Variants in CSMD1 observed in about 807,000 individuals in gnomAD.
CSMD1 encodes the protein CUB and Sushi multiple domains 1, also known as CUB and sushi domain-containing protein 1.
Under a neutral mutation model 417.5 loss-of-function variants are expected in CSMD1, and 213 were observed. The ratio of observed to expected loss-of-function variants is 0.51; its 90% CI spans 0.46 to 0.57. The LOEUF is 0.57. Among genes scored for constraint, CSMD1 ranks in the 20% least tolerant of loss-of-function variants. CSMD1 has a pLI of 0.00. For missense variants in CSMD1, 6,923 were observed against 4,529.7 expected (o/e 1.53, Z -15.17); for synonymous variants, 2,862 against 1,736.8 (o/e 1.65, Z -16.11).
intron 3 of CSMD1, among the ~76,000 whole-genome samples, chr8:4,154,561 C>T (rs137894018): frequency 2.0e-5 from 3 of 152,244 alleles, no homozygotes; most frequent in East Asian, 1.9e-4. Flanking sequence ...CTTCTAACGC[C>T]GTGAGCTGGG....
intron 5 of CSMD1, among the ~76,000 whole-genome samples, chr8:3,901,759 A>C (rs1173716066): frequency 6.6e-6 from 1 of 152,246 alleles, no homozygotes; most frequent in African/African-American, 2.4e-5. Context: ...CGATGTGACA[A>C]GCCAACATAA....
chr8:3,840,130 G>C (rs1405097701), intron 5 of CSMD1, among the ~76,000 whole-genome samples: 7 of 152,044 alleles, frequency 4.6e-5, no homozygotes, highest in Admixed American at 1.3e-4. Flanking sequence ...ATTATGAACA[G>C]CTTGCTTCCT....
At chr8:4,132,523 G>C (rs905778105) in intron 3 of CSMD1, among the ~76,000 whole-genome samples, 1 of 151,996 alleles carries the variant, frequency 6.6e-6, no homozygotes, top group South Asian at 2.1e-4. Flanking sequence ...CCTGTTTCTG[G>C]GTATAATTTT....
In CSMD1 at chr8:3,306,415, C is replaced by A. The variant is rs1043504692; in HGVS notation, c.3950+1280G>T. Among the ~76,000 whole-genome samples the A allele has an allele frequency of 5.3e-5, 8 of 152,144 alleles. No individual in the cohort carries two copies. In the South Asian group the frequency reaches 1.7e-3, roughly 32 times the overall value. On this transcript the variant is annotated intron_variant, in intron 25 of 69. Coordinates refer to ENST00000635120, the MANE Select transcript of CSMD1 (RefSeq NM_033225.6). ...TCTCGAACTACTGATCTTAAGTGAT[C>A]CACCCACCTCGGCCTCCCAAAGTGT...
In CSMD1 at chr8:3,997,961, G is replaced by C. The variant is rs1296204491; in HGVS notation, c.760C>G (p.Gln254Glu). The C allele has an allele frequency of 1.9e-6, 3 of 1,611,752 alleles. No homozygotes were observed. The South Asian group carries it at 3.3e-5, about 18-fold the overall frequency. ...DTIALVFTDFQLEEGYDFLEI... is the reference protein window; with the variant it reads ...DTIALVFTDFELEEGYDFLEI... Reference sequence around the variant, plus strand: ...AAGAAATCATATCCTTCTTCTAGCTGAAAGTCAGTGAAGACCAGCGCAATG... The same window carrying C: ...AAGAAATCATATCCTTCTTCTAGCTCAAAGTCAGTGAAGACCAGCGCAATG... Residue 254 changes from glutamine (Q) to glutamate (E), a missense_variant, in exon 5 of 70, where the codon CAG (glutamine) becomes GAG (glutamate). Transcript: ENST00000635120.
intron 10 of CSMD1, among the ~76,000 whole-genome samples, chr8:3,557,985 C>T (rs1799230859): frequency 1.3e-5 from 2 of 152,074 alleles, no homozygotes; most frequent in Admixed American, 1.3e-4. Flanking sequence ...ATGAATGGTG[C>T]CTCAGTGGTA....
chr8:4,296,719 C>T (rs1797707335), intron 3 of CSMD1, among the ~76,000 whole-genome samples: 1 of 106,598 alleles, frequency 9.4e-6, no homozygotes, highest in East Asian at 2.6e-4. Context: ...TTTTTTTCTC[C>T]AGGGCTTACA....
intron 5 of CSMD1, among the ~76,000 whole-genome samples, chr8:3,865,914 A>G (rs943978567): frequency 2.0e-5 from 3 of 152,172 alleles, no homozygotes; most frequent in Non-Finnish European, 4.4e-5. Context: ...TCAAAACCAC[A>G]TTAATTAACT....
At chr8:4,367,440 CATG>C (rs2128910812) in intron 3 of CSMD1, among the ~76,000 whole-genome samples, 1 of 152,206 alleles carries the variant, frequency 6.6e-6, no homozygotes, top group Non-Finnish European at 1.5e-5. Flanking sequence ...GTACCAGTAC[CATG>C]ATGTTTTGAT....
chr8:4,461,050 G>C (rs1222862301), intron 2 of CSMD1, among the ~76,000 whole-genome samples: 1 of 152,036 alleles, frequency 6.6e-6, no homozygotes, highest in Non-Finnish European at 1.5e-5. Flanking sequence ...AACATATAAA[G>C]CATTATATAC....
chr8:4,687,274 A>C (rs1397738241), intron 1 of CSMD1, among the ~76,000 whole-genome samples: 1 of 152,212 alleles, frequency 6.6e-6, no homozygotes, highest in Non-Finnish European at 1.5e-5. Context: ...ATGAAGGAGG[A>C]CAAGGAGCCT....
intron 7 of CSMD1, among the ~76,000 whole-genome samples, chr8:3,683,655 A>G (rs1336433622): frequency 6.6e-6 from 1 of 152,136 alleles, no homozygotes; most frequent in Admixed American, 6.6e-5. Flanking sequence ...TTTAATACCT[A>G]TAATTATCCT....
intron 2 of CSMD1, among the ~76,000 whole-genome samples, chr8:4,456,664 A>G (rs1244805559): frequency 6.6e-6 from 1 of 152,102 alleles, no homozygotes; most frequent in East Asian, 1.9e-4. Flanking sequence ...CCTCCAACCA[A>G]TCATCTGATC....
chr8:3,189,834 C>A, intron 34 of CSMD1, 78 bp downstream of exon 34: 6 of 1,331,966 alleles, frequency 4.5e-6, no homozygotes, highest in Non-Finnish European at 6.2e-6. Context: ...TTTACGTAGC[C>A]TGGATAGAAA....
intron 10 of CSMD1, among the ~76,000 whole-genome samples, chr8:3,499,583 G>C (rs1327090343): frequency 1.3e-5 from 2 of 152,062 alleles, no homozygotes; most frequent in East Asian, 1.9e-4. Context: ...CAGGGTGCTT[G>C]TTGGTAGTGT....
chr8:4,459,133 T>C (rs796598186), intron 2 of CSMD1, among the ~76,000 whole-genome samples: 20 of 152,336 alleles, frequency 1.3e-4, no homozygotes, highest in African/African-American at 4.6e-4. Flanking sequence ...GCCACCATCC[T>C]TTCTCATCCT....
At chr8:3,604,211 T>G (rs763722886) in intron 8 of CSMD1, among the ~76,000 whole-genome samples, 1 of 152,100 alleles carries the variant, frequency 6.6e-6, no homozygotes, top group African/African-American at 2.4e-5. Context: ...TGAATTATGC[T>G]TAGTGAAATC....
At chr8:3,100,063 T>TTGCC (rs113657585) in intron 46 of CSMD1, among the ~76,000 whole-genome samples, 1 of 151,298 alleles carries the variant, frequency 6.6e-6, no homozygotes, top group African/African-American at 2.4e-5. Flanking sequence ...GTTTGTTTGT[T>TTGCC]TGAGATAGGG....
intron 3 of CSMD1, among the ~76,000 whole-genome samples, chr8:4,070,895 T>G (rs1799520474): frequency 6.6e-6 from 1 of 152,224 alleles, no homozygotes; most frequent in Non-Finnish European, 1.5e-5. Flanking sequence ...ACTTTCTTTT[T>G]GCTTTTAGCA....
Sources: gnomAD v4.1 joint callset for allele counts (sites outside exome capture counted in the v4.1 genomes callset) on GRCh38, gnomAD v4.1.1 for gene constraint, MANE v1.5 for transcripts, NCBI Gene and HGNC (gene_info 2026-07-23, HGNC 2026-07-21) for gene names.